Variants in NRG3 observed in about 807,000 individuals in gnomAD.
NRG3 encodes the protein pro-neuregulin-3, membrane-bound isoform.
Under a neutral mutation model 66.9 loss-of-function variants are expected in NRG3, and 31 were observed. That is an observed-to-expected ratio of 0.46 (90% CI 0.35 to 0.63). The LOEUF (loss-of-function observed/expected upper bound fraction) is 0.63, where lower values mean the gene tolerates loss of function less well. Ranked by LOEUF, NRG3 falls within the 20% of genes least tolerant of loss-of-function variation. NRG3 has a pLI of 0.00. For missense variants in NRG3, 910 were observed against 878.9 expected (o/e 1.04, Z -0.45); for synonymous variants, 393 against 359.4 (o/e 1.09, Z -1.06).
chr10:82,804,511 G>T (rs2061193548), intron 3 of NRG3, among the ~76,000 whole-genome samples: 1 of 152,162 alleles, frequency 6.6e-6, no homozygotes. Flanking sequence ...GAGGATAAAA[G>T]GGGGCCACTA....
chr10:82,605,555 T>C (rs1211099357), intron 2 of NRG3, among the ~76,000 whole-genome samples: 1 of 152,052 alleles, frequency 6.6e-6, no homozygotes, highest in Non-Finnish European at 1.5e-5. Context: ...ATGTCTTTAT[T>C]GTGTTTTGAT....
chr10:82,738,188 A>C (rs1320265705), intron 2 of NRG3, among the ~76,000 whole-genome samples: 1 of 152,178 alleles, frequency 6.6e-6, no homozygotes, highest in African/African-American at 2.4e-5. Flanking sequence ...AATATCTTTT[A>C]TAAGAAAATG....
At position 81,993,567 on chromosome 10, in the gene NRG3, G is replaced by A. The variant is rs73308659; in HGVS notation, c.823+117404G>A. Among the ~76,000 whole-genome samples the A allele has an allele frequency of 8.7e-3, 1,322 of 151,988 alleles. 21 individuals are homozygous for A. The highest frequency in any genetic ancestry group is 0.031 in the African/African-American group (1,264 of 41,434). ...TTGTTAGGTTGCTCAGCTTGGCCTTGAACTCCTGGCCTCAACTGATCCTCC... is the reference window on the plus strand; with the variant it reads ...TTGTTAGGTTGCTCAGCTTGGCCTTAAACTCCTGGCCTCAACTGATCCTCC... On this transcript the variant is annotated intron_variant, in intron 1 of 8. Coordinates refer to ENST00000372141, the MANE Select transcript of NRG3 (RefSeq NM_001010848.4).
intron 6 of NRG3, among the ~76,000 whole-genome samples, chr10:82,959,931 T>A (rs143378603): frequency 1.2e-4 from 19 of 152,274 alleles, no homozygotes; most frequent in Middle Eastern, 3.4e-3. Flanking sequence ...GGTTAGCAAT[T>A]CTTTGACCCC....
intron 4 of NRG3, among the ~76,000 whole-genome samples, chr10:82,915,605 A>G (rs909602201): frequency 6.6e-6 from 1 of 151,440 alleles, no homozygotes; most frequent in Non-Finnish European, 1.5e-5. Flanking sequence ...CAATAATACA[A>G]TTGAGTGAAT....
At chr10:82,921,269 C>A (rs1466129585) in intron 4 of NRG3, among the ~76,000 whole-genome samples, 2 of 151,996 alleles carry the variant, frequency 1.3e-5, no homozygotes, top group African/African-American at 4.8e-5. Flanking sequence ...TACAAAATAC[C>A]CAACCAGTAA....
chr10:82,581,360 G>A (rs1376604423), intron 2 of NRG3, among the ~76,000 whole-genome samples: 1 of 151,856 alleles, frequency 6.6e-6, no homozygotes, highest in South Asian at 2.1e-4. Flanking sequence ...TACGTGTTTT[G>A]CAAATATTTT....
intron 1 of NRG3, among the ~76,000 whole-genome samples, chr10:82,147,510 T>G (rs1297029746): frequency 6.6e-6 from 1 of 152,230 alleles, no homozygotes; most frequent in Non-Finnish European, 1.5e-5. Flanking sequence ...CTCAGCTAAC[T>G]TTTAACATGA....
intron 1 of NRG3, among the ~76,000 whole-genome samples, chr10:82,349,566 G>T (rs2083275157): frequency 6.6e-6 from 1 of 152,018 alleles, no homozygotes; most frequent in African/African-American, 2.4e-5. Flanking sequence ...AGGCAGGCAG[G>T]CCTCCTTGAG....
intron 2 of NRG3, among the ~76,000 whole-genome samples, chr10:82,507,135 A>G (rs1844754730): frequency 6.6e-6 from 1 of 152,204 alleles, no homozygotes; most frequent in Admixed American, 6.5e-5. Flanking sequence ...TTGTATAATG[A>G]TTTCAAGCCA....
intron 1 of NRG3, among the ~76,000 whole-genome samples, chr10:82,008,762 T>G (rs551342937): frequency 1.3e-5 from 2 of 152,230 alleles, no homozygotes; most frequent in African/African-American, 2.4e-5. Context: ...GTATTCATAA[T>G]TTAGAAAATG....
intron 4 of NRG3, among the ~76,000 whole-genome samples, chr10:82,941,348 T>G (rs1848561802): frequency 6.6e-6 from 1 of 152,192 alleles, no homozygotes; most frequent in Admixed American, 6.5e-5. Context: ...TTTAAGGCAT[T>G]TATAAGGCCA....
chr10:82,345,900 T>C (rs1429714999), intron 1 of NRG3, among the ~76,000 whole-genome samples: 2 of 152,060 alleles, frequency 1.3e-5, no homozygotes, highest in African/African-American at 2.4e-5. Context: ...CTTGTGATTT[T>C]TGTACATTGA....
intron 2 of NRG3, among the ~76,000 whole-genome samples, chr10:82,599,793 G>A (rs868013770): frequency 5.9e-4 from 90 of 152,094 alleles, no homozygotes; most frequent in African/African-American, 1.8e-3. Context: ...CTCCAGCCTC[G>A]GCTTCAGGGA....
intron 2 of NRG3, among the ~76,000 whole-genome samples, chr10:82,536,652 C>A (rs1019158942): frequency 7.8e-6 from 1 of 127,792 alleles, no homozygotes; most frequent in Non-Finnish European, 1.6e-5. Flanking sequence ...GTGCTTAATT[C>A]CCAGCCAAGA....
rs1038308790 is a variant in NRG3 at position 82,539,922 on chromosome 10, G to A, written c.953+181054G>A. Among the ~76,000 whole-genome samples, 30 of 152,164 alleles carry A rather than the reference G, an allele frequency of 2.0e-4. 1 individual carries two copies. The highest frequency in any genetic ancestry group is 5.8e-4 in the African/African-American group (24 of 41,524). The stretch of plus-strand genomic sequence containing the variant: ...GCTGGGATTACAGGCGTGAGCCACC[G>A]CACCCAGCCGTTTACTGCCGTTTTT... On this transcript the variant is annotated intron_variant, in intron 2 of 8. Transcript: ENST00000372141.
intron 1 of NRG3, among the ~76,000 whole-genome samples, chr10:82,204,367 T>C (rs10786961): frequency 0.56 from 85,298 of 152,066 alleles, 25,334 homozygotes; most frequent in Middle Eastern, 0.68. Context: ...GGGGTGTTCC[T>C]GGAGGCTGCC....
chr10:82,166,076 G>T lies in NRG3; in HGVS notation c.824-192663G>T, dbSNP rs191288054. Among the ~76,000 whole-genome samples, 579 of 152,098 alleles carry T rather than the reference G, an allele frequency of 3.8e-3. 6 individuals carry two copies. The highest frequency in any genetic ancestry group is 0.013 in the African/African-American group (546 of 41,516). On this transcript the variant is annotated intron_variant, in intron 1 of 8. Transcript: ENST00000372141. ...TCACTCTTGTTGCCCAGACTGGAGT[G>T]CAACAGCGCGATCTCAGCTCACCAC... is the stretch of plus-strand genomic sequence containing the variant.
intron 2 of NRG3, among the ~76,000 whole-genome samples, chr10:82,563,694 A>C (rs941453364): frequency 9.2e-5 from 14 of 152,050 alleles, no homozygotes; most frequent in Admixed American, 3.3e-4. Context: ...GCTATAAACA[A>C]ATCCAGCTAA....
Sources: allele counts gnomAD v4.1 joint callset (sites outside exome capture counted in the v4.1 genomes callset), GRCh38; gene constraint gnomAD v4.1.1; transcripts MANE v1.5; gene names NCBI Gene and HGNC (gene_info 2026-07-23, HGNC 2026-07-21).